Variants in CEACAM8 observed in about 807,000 individuals in gnomAD.
The protein encoded by CEACAM8 is CEA cell adhesion molecule 8, also known as cell adhesion molecule CEACAM8.
CEACAM8 carries 31 observed loss-of-function variants against 33.4 expected under a neutral mutation model. The observed-to-expected ratio is 0.93, with a 90% CI of 0.70 to 1.25. The LOEUF (loss-of-function observed/expected upper bound fraction) is 1.25. CEACAM8 is among the 50% of genes most tolerant of loss of function. CEACAM8 has a pLI of 0.00. For missense variants in CEACAM8, 388 were observed against 434.6 expected (o/e 0.89, Z 0.95); for synonymous variants, 138 against 164.5 (o/e 0.84, Z 1.23).
chr19:42,593,954 A>G, intron 1 of CEACAM8, 54 bp from the exon 2 acceptor site: 1 of 1,519,174 alleles, frequency 6.6e-7, no homozygotes. Flanking sequence ...TTGGAGTAGA[A>G]AAATGGGGAC....
chr19:42,593,868 T>G lies in CEACAM8; in HGVS notation c.97A>C (p.Thr33Pro). The G allele has an allele frequency of 6.2e-7, 1 of 1,601,004 alleles. No individual in the cohort carries two copies. Among genetic ancestry groups the G allele is most frequent in the Non-Finnish European group, 8.5e-7 (1 of 1,171,738 alleles). The change falls in exon 2 of 6, where the codon ACT (threonine) becomes CCT (proline). Residue 33 changes from threonine (T) to proline (P), a missense_variant. Coordinates refer to ENST00000244336, the MANE Select transcript of CEACAM8 (RefSeq NM_001816.4). ...SLFTFWNPPT[T>P]AQLTIEAVPS... ...ACAGCTTCAATAGTGAGCTGAGCAGTGGTGGGCGGGTTCCAGAAGGTGAAA... is the reference window on the plus strand; with the variant it reads ...ACAGCTTCAATAGTGAGCTGAGCAGGGGTGGGCGGGTTCCAGAAGGTGAAA...
At chr19:42,588,457 G>A (rs1392203227) in intron 4 of CEACAM8, among the ~76,000 whole-genome samples, 1 of 152,224 alleles carries the variant, frequency 6.6e-6, no homozygotes, top group Admixed American at 6.5e-5. Flanking sequence ...GGGGTGCCAT[G>A]TGTTGGTGAC....
chr19:42,583,295 G>A lies in CEACAM8; in HGVS notation c.1001C>T (p.Ala334Val). Residue 334 changes from alanine to valine, a missense_variant, in exon 5 of 6, where the codon GCC becomes GTC. Transcript: ENST00000244336. ...QGSSPGLSAR[A>V]TVSIMIGVLA... is the part of the protein sequence containing the mutation. ...TACTCCAATCATGATGCTGACAGTG[G>A]CTCTAGCTGAGAGGCCAGGAGAACT... The A allele has an allele frequency of 1.2e-6, 2 of 1,613,350 alleles. No homozygotes were observed. The highest frequency in any genetic ancestry group is 1.7e-6 in the Non-Finnish European group (2 of 1,179,358).
rs138301005 is a variant in CEACAM8, at chr19:42,589,034, G to C, written c.708C>G (p.Gly236=). ...AAGGGGAAATGGTGGGGGCATCTGGGCCATCTAGAGCAAAAGAATAAAGTC... is the reference window on the plus strand; with the variant it reads ...AAGGGGAAATGGTGGGGGCATCTGGCCCATCTAGAGCAAAAGAATAAAGTC... The part of the protein sequence containing the change: ...SDPVTLNVLY[G]PDAPTISPSD... The change falls in exon 4 of 6, where the codon GGC becomes GGG. Residue 236 remains glycine, a synonymous_variant. Coordinates refer to ENST00000244336, the MANE Select transcript of CEACAM8 (RefSeq NM_001816.4). 42 of 1,611,372 alleles carry C rather than the reference G, an allele frequency of 2.6e-5. No homozygotes were observed. Among genetic ancestry groups the C allele is most frequent in the Non-Finnish European group, 3.5e-5 (41 of 1,178,050 alleles).
At chr19:42,583,890 G>A (rs1199074283) in intron 4 of CEACAM8, among the ~76,000 whole-genome samples, 1 of 152,184 alleles carries the variant, frequency 6.6e-6, no homozygotes, top group African/African-American at 2.4e-5. Flanking sequence ...AACTCACTTA[G>A]AACTGCACTG....
intron 4 of CEACAM8, among the ~76,000 whole-genome samples, chr19:42,587,420 A>G (rs1306988035): frequency 6.6e-6 from 1 of 152,242 alleles, no homozygotes; most frequent in African/African-American, 2.4e-5. Flanking sequence ...CTTAACAAGG[A>G]AGAAAATTCT....
rs765843553 is a variant in CEACAM8 at position 42,594,802 on chromosome 19, GC to G, written c.26del (p.Cys9SerfsTer72). The G allele has an allele frequency of 5.6e-6, 9 of 1,611,274 alleles. No individual in the cohort carries two copies. The South Asian group carries it at 8.8e-5, about 16-fold the overall frequency. ...GCCCCTGCCAGGGGATGCGCCATCT[GC>G]AGGAAGGGGCTGAGATGGGCCCCAT... is the stretch of plus-strand genomic sequence containing the variant. MGPISAPS[C>X]RWRIPWQGLL... On this transcript the variant is annotated frameshift_variant, in exon 1 of 6. Coordinates refer to ENST00000244336, the MANE Select transcript of CEACAM8 (RefSeq NM_001816.4). LOFTEE classifies it high-confidence loss of function.
chr19:42,591,003 C>T (rs1198065490), intron 2 of CEACAM8, among the ~76,000 whole-genome samples: 2 of 152,128 alleles, frequency 1.3e-5, no homozygotes, highest in African/African-American at 4.8e-5. Flanking sequence ...ATCCCAAATC[C>T]AAAATGCTCC....
chr19:42,593,471 G>A, intron 2 of CEACAM8, 70 bp downstream of exon 2: 1 of 1,521,936 alleles, frequency 6.6e-7, no homozygotes, highest in Admixed American at 2.2e-5. Flanking sequence ...GCACAGCCCA[G>A]GCCTAACAAT....
rs759531438 is a variant in CEACAM8, at chr19:42,589,614, A to G, written c.546T>C (p.Gly182=). 2.3e-5 allele frequency: 37 copies of G among 1,613,992 alleles called. 1 individual carries two copies. The South Asian group carries it at 3.6e-4, about 16-fold the overall frequency. ...GCCTGGGACTGACCGGGAGACTCTG[A>G]CCATTTACCCACCACAGGTAGGTTG... ...QNTTYLWWVN[G]QSLPVSPRLQ... The change falls in exon 3 of 6, where the codon GGT becomes GGC. Residue 182 remains glycine (G), a synonymous_variant. Coordinates refer to ENST00000244336, the MANE Select transcript of CEACAM8 (RefSeq NM_001816.4).
At chr19:42,593,095 T>C (rs2042475306) in intron 2 of CEACAM8, among the ~76,000 whole-genome samples, 1 of 152,220 alleles carries the variant, frequency 6.6e-6, no homozygotes, top group East Asian at 1.9e-4. Context: ...AACCCAGTGC[T>C]GGCACAGGTT....
chr19:42,586,306 GA>G lies in CEACAM8; in HGVS notation c.958+2477del, dbSNP rs946198343. Among the ~76,000 whole-genome samples the G allele has an allele frequency of 6.7e-5, 10 of 150,222 alleles. No individual in the cohort carries two copies. The South Asian group carries it at 8.5e-4, about 13-fold the overall frequency. On this transcript the variant is annotated intron_variant, in intron 4 of 5. Coordinates refer to ENST00000244336, the MANE Select transcript of CEACAM8 (RefSeq NM_001816.4). ...AACCAATCATGAAAAAAGGAACCTT[GA>G]AAAAAAAATGCTGAATCCTGATTTC... is the stretch of plus-strand genomic sequence containing the variant.
intron 4 of CEACAM8, among the ~76,000 whole-genome samples, chr19:42,584,759 C>T (rs1381047240): frequency 6.6e-6 from 1 of 152,126 alleles, no homozygotes; most frequent in East Asian, 1.9e-4. Flanking sequence ...AGAAACATCT[C>T]AAATCAACAA....
At chr19:42,588,740 C>T in intron 4 of CEACAM8, 44 bp downstream of exon 4, 1 of 1,607,468 alleles carries the variant, frequency 6.2e-7, no homozygotes, top group Non-Finnish European at 8.5e-7. Flanking sequence ...GCCAGATAGA[C>T]TCTACCAGAA....
At chr19:42,582,744 G>T (rs532829309) in intron 5 of CEACAM8, among the ~76,000 whole-genome samples, 2 of 152,204 alleles carry the variant, frequency 1.3e-5, no homozygotes, top group Non-Finnish European at 2.9e-5. Context: ...AGAAGAATTA[G>T]TAAAGAGAAG....
intron 4 of CEACAM8, among the ~76,000 whole-genome samples, chr19:42,583,658 T>C (rs765438701): frequency 3.3e-5 from 5 of 152,236 alleles, no homozygotes; most frequent in Non-Finnish European, 7.3e-5. Flanking sequence ...CTTTTCATGG[T>C]TGCATCTTTT....
chr19:42,583,130 C>T (rs1434880627), intron 5 of CEACAM8, 76 bp downstream of exon 5: 13 of 697,090 alleles, frequency 1.9e-5, no homozygotes, highest in Non-Finnish European at 2.8e-5. Flanking sequence ...GAGATCCATT[C>T]CCGGGATACA....
Position 42,593,803 on chromosome 19 carries a change from A to T in CEACAM8, c.162T>A (p.Leu54=). The change falls in exon 2 of 6, where the codon CTT becomes CTA. Residue 54 remains leucine (L), a synonymous_variant. Coordinates refer to ENST00000244336, the MANE Select transcript of CEACAM8 (RefSeq NM_001816.4). ...GAGGGTCCTGGGGCAGATTGTGGACAAGTAGAAGAACCTCCTTCCCCTCTG... is the reference window on the plus strand; with the variant it reads ...GAGGGTCCTGGGGCAGATTGTGGACTAGTAGAAGAACCTCCTTCCCCTCTG... ...NAAEGKEVLL[L]VHNLPQDPRG... is the part of the protein sequence containing the mutation. The T allele has an allele frequency of 1.9e-6, 3 of 1,614,064 alleles. No homozygotes were observed. Among genetic ancestry groups the T allele is most frequent in the Non-Finnish European group, 2.5e-6 (3 of 1,179,988 alleles).
At chr19:42,582,896 C>T (rs1006943594) in intron 5 of CEACAM8, among the ~76,000 whole-genome samples, 4 of 152,102 alleles carry the variant, frequency 2.6e-5, no homozygotes, top group African/African-American at 9.7e-5. Flanking sequence ...AGCAGGACTT[C>T]GAGCAGTTGT....
Sources: allele counts gnomAD v4.1 joint callset (sites outside exome capture counted in the v4.1 genomes callset), GRCh38; gene constraint gnomAD v4.1.1; transcripts MANE v1.5; gene names NCBI Gene and HGNC (gene_info 2026-07-23, HGNC 2026-07-21).